PLA2G4F: variants seen among roughly 807,000 people sequenced by gnomAD.
PLA2G4F encodes the protein phospholipase A2 group IVF.
In PLA2G4F, 105 loss-of-function variants were observed where a neutral mutation model predicts 103.1. That is an observed-to-expected ratio of 1.02 (90% CI 0.87 to 1.20). PLA2G4F has a LOEUF of 1.20. PLA2G4F is among the 50% of genes most tolerant of loss of function. The pLI, the probability that PLA2G4F is intolerant of heterozygous loss-of-function variation, is 0.00. For missense variants in PLA2G4F, 1,155 were observed against 1,075.9 expected, an observed-to-expected ratio of 1.07 and a Z score of -1.03; for synonymous variants, 468 against 441.1, an observed-to-expected ratio of 1.06 and a Z score of -0.76.
chr15:42,145,214 C>T (rs184094217), intron 16 of PLA2G4F, among the ~76,000 whole-genome samples: 54 of 152,304 alleles, frequency 3.5e-4, no homozygotes, highest in Non-Finnish European at 1.5e-4. Flanking sequence ...CTGAGCTGAA[C>T]TGAAGAACAG....
chr15:42,149,282 G>A, intron 11 of PLA2G4F: 1 of 673,138 alleles, frequency 1.5e-6, no homozygotes, highest in African/African-American at 2.0e-5. Context: ...TGATAGGACT[G>A]GGGTCCTTAG....
At chr15:42,152,841 G>T in intron 6 of PLA2G4F, 87 bp from the exon 7 acceptor site, 2 of 1,299,970 alleles carry the variant, frequency 1.5e-6, no homozygotes, top group South Asian at 1.4e-5. Flanking sequence ...GGCAGGGTCT[G>T]GGAAACAGCC....
chr15:42,148,381 T>C (rs867422640), intron 11 of PLA2G4F, among the ~76,000 whole-genome samples: 6 of 152,180 alleles, frequency 3.9e-5, no homozygotes, highest in Admixed American at 1.3e-4. Flanking sequence ...CAAAATCAGC[T>C]ACAGCAGGTT....
chr15:42,153,289 T>C lies in PLA2G4F; in HGVS notation c.534+11A>G, dbSNP rs1566881881. On this transcript the variant is annotated intron_variant, in intron 6 of 19. Transcript: ENST00000397272. ...GCCCAGAACAGCGCCAAGCTTGCCTTCCCCACTCACCACCAGAACCCCGTT... is the reference window on the plus strand; with the variant it reads ...GCCCAGAACAGCGCCAAGCTTGCCTCCCCCACTCACCACCAGAACCCCGTT... 6.2e-7 allele frequency: 1 copy of C among 1,613,970 alleles called. No individual in the cohort carries two copies. Among genetic ancestry groups the C allele is most frequent in the South Asian group, 1.1e-5 (1 of 91,074 alleles).
intron 2 of PLA2G4F, among the ~76,000 whole-genome samples, chr15:42,154,792 C>T (rs1280328126): frequency 6.6e-6 from 1 of 152,144 alleles, no homozygotes; most frequent in African/African-American, 2.4e-5. Flanking sequence ...AGAGCGCGTG[C>T]TGACTTGTAG....
At chr15:42,142,232 C>T in intron 19 of PLA2G4F, 28 bp from the exon 20 acceptor site, 1 of 1,579,580 alleles carries the variant, frequency 6.3e-7, no homozygotes, top group Non-Finnish European at 8.6e-7. Flanking sequence ...AGAGGAGAGG[C>T]CAGGATGGAG....
intron 4 of PLA2G4F, 82 bp from the exon 5 acceptor site, chr15:42,153,742 G>T (rs2048983208): frequency 6.7e-7 from 1 of 1,482,980 alleles, no homozygotes; most frequent in Non-Finnish European, 9.3e-7. Flanking sequence ...GCCCTGCTTG[G>T]CTCCAGGGGC....
In PLA2G4F at chr15:42,150,121, G is replaced by A. The variant is rs2048940266; in HGVS notation, c.906C>T (p.Ser302=). Reference sequence around the variant, plus strand: ...CCACTCACCTCATTTCCACCTTCATGCTCAGAGCCACCTCCTGGCCCTGAA... The same window carrying A: ...CCACTCACCTCATTTCCACCTTCATACTCAGAGCCACCTCCTGGCCCTGAA... The part of the protein sequence containing the change: ...ALGEGQEVAL[S]MKVEMSSGDL... Residue 302 remains serine, a synonymous_variant, in exon 10 of 20, where the codon AGC becomes AGT. Transcript: ENST00000397272. 2.5e-6 allele frequency: 4 copies of A among 1,614,172 alleles called. No individual in the cohort carries two copies. Among genetic ancestry groups the A allele is most frequent in the Non-Finnish European group, 3.4e-6 (4 of 1,180,028 alleles).
At position 42,144,328 on chromosome 15, in the gene PLA2G4F, C is replaced by A. The variant is rs78399393; in HGVS notation, c.1975+122G>T. 9.5e-5 allele frequency: 136 copies of A among 1,433,040 alleles called. No individual in the cohort carries two copies. The African/African-American group carries it at 1.7e-3, about 18-fold the overall frequency. The allele number at this position is 1,433,040 out of a possible 1,614,324, so 88.8% of individuals were successfully genotyped here. Reference sequence around the variant, plus strand: ...AGCAGTATTTAGAGTCGCTCCGCATCAGCCCATAGGCAGCAGGAGACCACA... The same window carrying A: ...AGCAGTATTTAGAGTCGCTCCGCATAAGCCCATAGGCAGCAGGAGACCACA... On this transcript the variant is annotated intron_variant, in intron 17 of 19. Transcript: ENST00000397272.
intron 7 of PLA2G4F, chr15:42,151,198 C>T: frequency 1.0e-6 from 1 of 985,426 alleles, no homozygotes; most frequent in Non-Finnish European, 1.2e-6. Context: ...CAAGAGAAAA[C>T]CAGTAGGCTG....
intron 16 of PLA2G4F, among the ~76,000 whole-genome samples, chr15:42,145,103 G>T (rs187623497): frequency 2.0e-5 from 3 of 152,194 alleles, no homozygotes; most frequent in African/African-American, 7.2e-5. Flanking sequence ...GGGTAAGGAC[G>T]ACGACAGGGA....
At chr15:42,148,881 G>A (rs1016708243) in intron 11 of PLA2G4F, 4 of 985,436 alleles carry the variant, frequency 4.1e-6, no homozygotes, top group East Asian at 1.1e-4. Flanking sequence ...TCGCTTCAGA[G>A]TGCTGGATGA....
Position 42,153,356 on chromosome 15 carries a change from G to T in PLA2G4F, c.492-14C>A, listed in dbSNP as rs10220859. 114,259 of 1,612,462 alleles carry T rather than the reference G, an allele frequency of 0.071. 7,938 individuals carry two copies. Among genetic ancestry groups the T allele is most frequent in the African/African-American group, 0.31 (23,518 of 74,878 alleles). ...GCAGGCACCTGGCTGCAAAGGATGA[G>T]GAATACATGGAGAATACATCTGGCC... On this transcript the variant is annotated splice_polypyrimidine_tract_variant and intron_variant, in intron 5 of 19. Coordinates refer to ENST00000397272, the MANE Select transcript of PLA2G4F (RefSeq NM_213600.4).
intron 3 of PLA2G4F, 26 bp from the exon 4 acceptor site, chr15:42,154,246 C>T (rs778537553): frequency 3.3e-5 from 53 of 1,613,914 alleles, no homozygotes; most frequent in Middle Eastern, 1.6e-4. Context: ...GCAGGAGGTC[C>T]GAGCATGAGG....
Position 42,140,942 on chromosome 15 carries a change from C to A in PLA2G4F, c.*1042G>T, listed in dbSNP as rs1287147348. On this transcript the variant is annotated 3_prime_UTR_variant, in exon 20 of 20. Transcript: ENST00000397272. ...CTCCTCTTCACGAATCTGAGGGCTGCCCACACTAGAGAGGTTCTAGGTATT... is the reference window on the plus strand; with the variant it reads ...CTCCTCTTCACGAATCTGAGGGCTGACCACACTAGAGAGGTTCTAGGTATT... 6.9e-6 allele frequency: 2 copies of A among 291,414 alleles called. No homozygotes were observed. The highest frequency in any genetic ancestry group is 8.1e-5 in the Admixed American group (2 of 24,588). 18.1% of individuals were successfully genotyped at this position (291,414 alleles called of 1,614,324 possible). A position where few individuals can be genotyped will look rare whatever the true frequency, so the allele number is the denominator to read the frequency against.
In PLA2G4F at chr15:42,141,123, T is replaced by A; in HGVS notation, c.*861A>T. 2 of 409,672 alleles carry A rather than the reference T, an allele frequency of 4.9e-6. No homozygotes were observed. Among genetic ancestry groups the A allele is most frequent in the Non-Finnish European group, 5.0e-6 (1 of 199,862 alleles). 25.4% of individuals were successfully genotyped at this position (409,672 alleles called of 1,614,324 possible). On this transcript the variant is annotated 3_prime_UTR_variant, in exon 20 of 20. Coordinates refer to ENST00000397272, the MANE Select transcript of PLA2G4F (RefSeq NM_213600.4). ...CTTGGAGTAACCCACCTCCAGGAACTTGCACACCCTCCTGCCCCACATACA... is the reference window on the plus strand; with the variant it reads ...CTTGGAGTAACCCACCTCCAGGAACATGCACACCCTCCTGCCCCACATACA...
intron 16 of PLA2G4F, 138 bp from the exon 17 acceptor site, chr15:42,144,782 G>T: frequency 1.1e-6 from 1 of 892,222 alleles, no homozygotes; most frequent in Non-Finnish European, 1.6e-6. Flanking sequence ...CACCTCCCAA[G>T]CCTCTGACCA....
At chr15:42,153,865 A>AT (rs1394298127) in intron 4 of PLA2G4F, among the ~76,000 whole-genome samples, 1 of 152,238 alleles carries the variant, frequency 6.6e-6, no homozygotes. Flanking sequence ...CTAGACATTG[A>AT]TAATTCAGCT....
chr15:42,151,682 A>G (rs777096623), intron 7 of PLA2G4F: 144 of 978,140 alleles, frequency 1.5e-4, no homozygotes, highest in Non-Finnish European at 1.7e-4. Context: ...GAAAATAAGG[A>G]AAGTGATATT....
Sources: gnomAD v4.1 joint callset for allele counts (sites outside exome capture counted in the v4.1 genomes callset) on GRCh38, gnomAD v4.1.1 for gene constraint, MANE v1.5 for transcripts, NCBI Gene and HGNC (gene_info 2026-07-23, HGNC 2026-07-21) for gene names.